The following NTNG1 variants were observed in gnomAD, a reference collection of about 807,000 sequenced individuals.
The protein encoded by NTNG1 is netrin G1.
A neutral mutation model predicts 54.0 loss-of-function variants in NTNG1; 16 were observed. The observed-to-expected ratio is 0.30, with a 90% CI of 0.20 to 0.45. The LOEUF (loss-of-function observed/expected upper bound fraction) is 0.45, where lower values mean the gene tolerates loss of function less well. Among genes scored for constraint, NTNG1 ranks in the 20% least tolerant of loss-of-function variants. NTNG1 has a pLI of 1.00. For synonymous variants in NTNG1, 255 were observed against 263.1 expected (o/e 0.97, Z 0.30); for missense variants, 530 against 678.7 (o/e 0.78, Z 2.43).
intron 5 of NTNG1, among the ~76,000 whole-genome samples, chr1:107,419,623 C>CA (rs11370557): frequency 0.19 from 25,967 of 139,238 alleles, 2,488 homozygotes; most frequent in Middle Eastern, 0.27. Context: ...CTTCCTTCTT[C>CA]AAAAAAAAAA....
At chr1:107,272,316 T>C (rs1237755302) in intron 2 of NTNG1, among the ~76,000 whole-genome samples, 1 of 152,190 alleles carries the variant, frequency 6.6e-6, no homozygotes, top group African/African-American at 2.4e-5. Context: ...TCCCTGAGCT[T>C]TTTTTCGGGA....
intron 7 of NTNG1, among the ~76,000 whole-genome samples, chr1:107,471,108 T>C (rs1046244042): frequency 1.3e-5 from 2 of 152,144 alleles, no homozygotes; most frequent in Admixed American, 1.3e-4. Flanking sequence ...AAAGTGTCAC[T>C]CTCATAACAG....
intron 3 of NTNG1, among the ~76,000 whole-genome samples, chr1:107,331,277 A>T (rs78589168): frequency 2.3e-4 from 3 of 12,928 alleles, no homozygotes; most frequent in African/African-American, 3.0e-4. Context: ...AGCCATCTTT[A>T]AATAGCAACA....
chr1:107,189,017 G>C (rs1657683141), intron 2 of NTNG1, among the ~76,000 whole-genome samples: 1 of 152,012 alleles, frequency 6.6e-6, no homozygotes, highest in African/African-American at 2.4e-5. Flanking sequence ...TGAAAGAATA[G>C]GTGTTGGTGT....
At position 107,215,148 on chromosome 1, in the gene NTNG1, A is replaced by G. The variant is rs1338054544; in HGVS notation, c.246+66309A>G. On this transcript the variant is annotated intron_variant, in intron 2 of 7. Transcript: ENST00000370068. Reference sequence around the variant, plus strand: ...TTTTTAGTTTAACTAATTATCATCTATATATCTTTATTTTGGTGCATTAGC... The same window carrying G: ...TTTTTAGTTTAACTAATTATCATCTGTATATCTTTATTTTGGTGCATTAGC... Among the ~76,000 whole-genome samples, 4 of 152,028 alleles carry G rather than the reference A, an allele frequency of 2.6e-5. No individual in the cohort carries two copies. The South Asian group carries it at 6.2e-4, about 24-fold the overall frequency.
intron 2 of NTNG1, among the ~76,000 whole-genome samples, chr1:107,195,471 C>G (rs1426106162): frequency 6.6e-6 from 1 of 151,936 alleles, no homozygotes; most frequent in Non-Finnish European, 1.5e-5. Flanking sequence ...GTCAGTTACA[C>G]CATTCCTTTG....
intron 7 of NTNG1, among the ~76,000 whole-genome samples, chr1:107,471,917 A>G (rs891989957): frequency 1.3e-5 from 2 of 152,198 alleles, no homozygotes; most frequent in East Asian, 3.9e-4. Flanking sequence ...GAACTTTAAC[A>G]AAGTATACTT....
intron 2 of NTNG1, among the ~76,000 whole-genome samples, chr1:107,248,896 C>A (rs1159238967): frequency 2.0e-5 from 3 of 151,646 alleles, no homozygotes; most frequent in Non-Finnish European, 4.4e-5. Flanking sequence ...TGCCTATAAT[C>A]CCAGAACTTT....
chr1:107,281,670 T>C (rs1292893389), intron 2 of NTNG1, among the ~76,000 whole-genome samples: 1 of 152,140 alleles, frequency 6.6e-6, no homozygotes, highest in Non-Finnish European at 1.5e-5. Context: ...TATGTGTGTG[T>C]ATATACCCAT....
intron 2 of NTNG1, among the ~76,000 whole-genome samples, chr1:107,239,898 A>G (rs546188821): frequency 1.1e-3 from 169 of 152,370 alleles, no homozygotes; most frequent in African/African-American, 3.8e-3. Flanking sequence ...TTCAACAACA[A>G]GGTCACTAGC....
chr1:107,284,217 T>C (rs1208326698), intron 2 of NTNG1, among the ~76,000 whole-genome samples: 3 of 152,114 alleles, frequency 2.0e-5, no homozygotes, highest in Non-Finnish European at 2.9e-5. Flanking sequence ...AAATTATTGA[T>C]TGTTACAGAA....
At chr1:107,351,066 T>C (rs1485024726) in intron 3 of NTNG1, among the ~76,000 whole-genome samples, 1 of 152,240 alleles carries the variant, frequency 6.6e-6, no homozygotes, top group African/African-American at 2.4e-5. Flanking sequence ...CTTCACAGTG[T>C]TTATACATGT....
At chr1:107,379,912 A>G (rs1049224134) in intron 3 of NTNG1, among the ~76,000 whole-genome samples, 2 of 152,226 alleles carry the variant, frequency 1.3e-5, no homozygotes, top group Admixed American at 6.5e-5. Context: ...TAAAGATGCT[A>G]TTCTCAGAAC....
At chr1:107,370,486 T>C in intron 3 of NTNG1, among the ~76,000 whole-genome samples, 1 of 151,958 alleles carries the variant, frequency 6.6e-6, no homozygotes, top group East Asian at 1.9e-4. Context: ...GAACCCAATT[T>C]GTAGTCTTTT....
intron 4 of NTNG1, among the ~76,000 whole-genome samples, chr1:107,397,242 G>T (rs1399001695): frequency 6.6e-6 from 1 of 152,176 alleles, no homozygotes; most frequent in Non-Finnish European, 1.5e-5. Context: ...GGTGATGGAT[G>T]GACCCAGTGT....
chr1:107,308,952 T>C (rs1666847002), intron 2 of NTNG1, among the ~76,000 whole-genome samples: 1 of 152,186 alleles, frequency 6.6e-6, no homozygotes, highest in Non-Finnish European at 1.5e-5. Context: ...TGTTGGCTTA[T>C]CACCATCATT....
In NTNG1 at chr1:107,451,112, T is replaced by C. The variant is rs571933686; in HGVS notation, c.1390+14313T>C. On this transcript the variant is annotated intron_variant, in intron 7 of 7. Transcript: ENST00000370068. Reference sequence around the variant, plus strand: ...CCCTTTTTTCTTTCTTTCTTTCTTTTTTTTTTTTTTTTAGAACTCCTCAGG... The same window carrying C: ...CCCTTTTTTCTTTCTTTCTTTCTTTCTTTTTTTTTTTTAGAACTCCTCAGG... Among the ~76,000 whole-genome samples the C allele has an allele frequency of 3.0e-4, 45 of 150,824 alleles. 1 individual carries two copies. The highest frequency in any genetic ancestry group is 1.5e-3 in the Admixed American group (22 of 15,142).
chr1:107,248,173 G>T (rs567794304), intron 2 of NTNG1, among the ~76,000 whole-genome samples: 85 of 152,294 alleles, frequency 5.6e-4, no homozygotes, highest in African/African-American at 2.0e-3. Context: ...TTAAGAAAGA[G>T]AAATGAAAGT....
In NTNG1 at chr1:107,462,359, G is replaced by A. The variant is rs145200214; in HGVS notation, c.1391-18252G>A. On this transcript the variant is annotated intron_variant, in intron 7 of 7. Coordinates refer to ENST00000370068, the MANE Select transcript of NTNG1 (RefSeq NM_001113226.3). ...ACAGGCTCTGCTACCCACTACCTGT[G>A]TGACCTTAGAGAGACTATTTACCCT... is the stretch of plus-strand genomic sequence containing the variant. Among the ~76,000 whole-genome samples the A allele has an allele frequency of 2.5e-4, 38 of 152,266 alleles. 1 individual carries two copies. In the East Asian group the frequency reaches 7.1e-3, roughly 29 times the overall value.
Sources: allele counts gnomAD v4.1 joint callset (sites outside exome capture counted in the v4.1 genomes callset), GRCh38; gene constraint gnomAD v4.1.1; transcripts MANE v1.5; gene names NCBI Gene and HGNC (gene_info 2026-07-23, HGNC 2026-07-21).